The following ZNF565 variants were observed in gnomAD, a reference collection of about 807,000 sequenced individuals.
The protein encoded by ZNF565 is zinc finger protein 565.
A neutral mutation model predicts 39.4 loss-of-function variants in ZNF565; 27 were observed. The ratio of observed to expected loss-of-function variants is 0.69; its 90% CI spans 0.51 to 0.95. The LOEUF (loss-of-function observed/expected upper bound fraction) is 0.95, where lower values mean the gene tolerates loss of function less well. ZNF565 is among the 40% of genes least tolerant of loss of function. ZNF565 has a pLI of 0.00. For missense variants in ZNF565, 524 were observed against 621.1 expected, an observed-to-expected ratio of 0.84 and a Z score of 1.66; for synonymous variants, 185 against 216.6, an observed-to-expected ratio of 0.85 and a Z score of 1.28.
chr19:36,211,038 T>A (rs912571783), intron 1 of ZNF565, among the ~76,000 whole-genome samples: 6 of 151,042 alleles, frequency 4.0e-5, no homozygotes, highest in African/African-American at 1.5e-4. Flanking sequence ...ATATAACCTA[T>A]AGAATAAAAG....
chr19:36,202,130 A>G, intron 1 of ZNF565, 80 bp from the exon 2 acceptor site: 1 of 773,514 alleles, frequency 1.3e-6, no homozygotes, highest in South Asian at 1.4e-5. Flanking sequence ...AGATGAGCTT[A>G]AAAGAATTGT....
At chr19:36,195,803 C>G (rs1013611301) in intron 2 of ZNF565, among the ~76,000 whole-genome samples, 4 of 149,962 alleles carry the variant, frequency 2.7e-5, no homozygotes, top group Non-Finnish European at 5.9e-5. Context: ...CTCAGCCTCC[C>G]AAAGTGCTGG....
At chr19:36,184,437 G>A (rs1318156058) in intron 4 of ZNF565, among the ~76,000 whole-genome samples, 1 of 151,924 alleles carries the variant, frequency 6.6e-6, no homozygotes, top group Non-Finnish European at 1.5e-5. Flanking sequence ...GCTAATTTTT[G>A]TATTTTTAGT....
chr19:36,239,372 TA>T (rs1977757963), intron 1 of ZNF565, among the ~76,000 whole-genome samples: 1 of 150,524 alleles, frequency 6.6e-6, no homozygotes, highest in African/African-American at 2.4e-5. Context: ...CAGGCCAGAA[TA>T]CCATGGCAGG....
chr19:36,197,747 A>T (rs1012779621), intron 2 of ZNF565, among the ~76,000 whole-genome samples: 1 of 152,184 alleles, frequency 6.6e-6, no homozygotes, highest in African/African-American at 2.4e-5. Context: ...TGGGAATGTA[A>T]ATCAGTAAAA....
chr19:36,209,481 C>T lies in ZNF565; in HGVS notation c.-66+5141G>A, dbSNP rs186367519. The stretch of plus-strand genomic sequence containing the variant: ...TTGCACGCTAGCCTGGGTGACAGAG[C>T]GGGACTCCGTCTCAAAACAAAAACA... On this transcript the variant is annotated intron_variant, in intron 1 of 4. Transcript: ENST00000304116. 3.0e-3 allele frequency among the ~76,000 whole-genome samples: 457 copies of T among 151,904 alleles called. 3 individuals are homozygous for T. Among genetic ancestry groups the T allele is most frequent in the Middle Eastern group, 0.024 (7 of 294 alleles).
chr19:36,200,916 C>T (rs1443520843), intron 2 of ZNF565, among the ~76,000 whole-genome samples: 6 of 151,910 alleles, frequency 3.9e-5, no homozygotes, highest in Non-Finnish European at 8.8e-5. Context: ...TCTCAAGTAG[C>T]TGCGATTATA....
At chr19:36,197,493 A>T (rs1429900508) in intron 2 of ZNF565, among the ~76,000 whole-genome samples, 1 of 152,062 alleles carries the variant, frequency 6.6e-6, no homozygotes, top group Non-Finnish European at 1.5e-5. Flanking sequence ...AAATAAATAA[A>T]TAAGAATGAA....
intron 1 of ZNF565, among the ~76,000 whole-genome samples, chr19:36,232,609 C>CTTTTTTT (rs548903056): frequency 3.6e-5 from 5 of 140,068 alleles, no homozygotes; most frequent in Non-Finnish European, 3.1e-5. Flanking sequence ...TTTCTTTTTT[C>CTTTTTTT]TTTTTTTTTT....
intron 1 of ZNF565, among the ~76,000 whole-genome samples, chr19:36,204,949 C>G (rs1183118752): frequency 2.6e-5 from 4 of 152,084 alleles, no homozygotes; most frequent in Non-Finnish European, 5.9e-5. Flanking sequence ...GATCACACCA[C>G]TCCACTCCAG....
chr19:36,197,495 AAG>A (rs1975808574), intron 2 of ZNF565, among the ~76,000 whole-genome samples: 1 of 152,012 alleles, frequency 6.6e-6, no homozygotes, highest in Admixed American at 6.6e-5. Flanking sequence ...ATAAATAAAT[AAG>A]AATGAAAGAA....
chr19:36,216,963 G>A (rs1240438745), upstream of ZNF565, among the ~76,000 whole-genome samples: 1 of 151,642 alleles, frequency 6.6e-6, no homozygotes, highest in African/African-American at 2.4e-5. Flanking sequence ...GGAGGCTGAG[G>A]TGGGAGGATC....
intron 1 of ZNF565, among the ~76,000 whole-genome samples, chr19:36,243,621 G>A (rs2145481020): frequency 6.6e-6 from 1 of 152,282 alleles, no homozygotes; most frequent in East Asian, 1.9e-4. Context: ...TGGGTTCAGG[G>A]AGCATAAATT....
chr19:36,239,544 C>G (rs1977761843), intron 1 of ZNF565, among the ~76,000 whole-genome samples: 1 of 152,088 alleles, frequency 6.6e-6, no homozygotes, highest in African/African-American at 2.4e-5. Context: ...AGATTAGTCC[C>G]AAACTCCTGG....
chr19:36,194,136 A>G, intron 4 of ZNF565, 97 bp downstream of exon 4: 4 of 954,734 alleles, frequency 4.2e-6, no homozygotes, highest in Non-Finnish European at 6.2e-6. Context: ...TTTCTTCCAC[A>G]GTAGGGCTTT....
At chr19:36,222,778 CTTTTT>C (rs55668684) in intron 1 of ZNF565, among the ~76,000 whole-genome samples, 4 of 100,882 alleles carry the variant, frequency 4.0e-5, no homozygotes, top group Non-Finnish European at 8.1e-5. Context: ...TGAGTGGTGG[CTTTTT>C]TTTTTTTTTT....
At chr19:36,185,369 G>A (rs1000232318) in intron 4 of ZNF565, among the ~76,000 whole-genome samples, 13 of 148,210 alleles carry the variant, frequency 8.8e-5, no homozygotes, top group Non-Finnish European at 1.3e-4. Flanking sequence ...AGCTGAGATC[G>A]CACCACTGCA....
At chr19:36,241,294 G>A (rs1394309660) in intron 1 of ZNF565, among the ~76,000 whole-genome samples, 1 of 151,464 alleles carries the variant, frequency 6.6e-6, no homozygotes, top group Middle Eastern at 3.5e-3. Context: ...GACCAGCCTG[G>A]CCAGCATGGC....
chr19:36,217,397 GAGA>G (rs1405143088), upstream of ZNF565, among the ~76,000 whole-genome samples: 2 of 151,936 alleles, frequency 1.3e-5, no homozygotes, highest in Non-Finnish European at 2.9e-5. Flanking sequence ...AGGAGAGAGA[GAGA>G]AGAAAGAAAA....
Sources: allele counts gnomAD v4.1 joint callset (sites outside exome capture counted in the v4.1 genomes callset), GRCh38; gene constraint gnomAD v4.1.1; transcripts MANE v1.5; gene names NCBI Gene and HGNC (gene_info 2026-07-23, HGNC 2026-07-21).